Variants in NEK7 observed in about 807,000 individuals in gnomAD.
The protein encoded by NEK7 is serine/threonine-protein kinase Nek7.
A neutral mutation model predicts 44.6 loss-of-function variants in NEK7; 18 were observed. The observed-to-expected ratio is 0.40, with a 90% CI of 0.28 to 0.60. The LOEUF (loss-of-function observed/expected upper bound fraction) is 0.60. NEK7 is among the 20% of genes least tolerant of loss of function. The probability of loss-of-function intolerance (pLI) is 0.38; values close to 1 mark genes in which losing one functional copy is unlikely to be tolerated. For synonymous variants in NEK7, 130 were observed against 121.1 expected, an observed-to-expected ratio of 1.07 and a Z score of -0.48; for missense variants, 256 against 366.5, an observed-to-expected ratio of 0.70 and a Z score of 2.46.
intron 2 of NEK7, among the ~76,000 whole-genome samples, chr1:198,245,862 A>G (rs1028895704): frequency 2.6e-5 from 4 of 152,152 alleles, no homozygotes; most frequent in Admixed American, 6.5e-5. Context: ...AATTAAGAAC[A>G]GCGAAACATC....
At chr1:198,318,088 A>G (rs1344479322) in intron 9 of NEK7, among the ~76,000 whole-genome samples, 1 of 152,040 alleles carries the variant, frequency 6.6e-6, no homozygotes, top group Non-Finnish European at 1.5e-5. Context: ...ACATTGTTGA[A>G]TTTCCAAGTG....
chr1:198,232,773 C>T (rs1190974043), intron 2 of NEK7, 136 bp downstream of exon 2: 2 of 437,138 alleles, frequency 4.6e-6, no homozygotes, highest in Non-Finnish European at 3.8e-6. Context: ...AAGTTTTAAT[C>T]AGCATTTTTT....
At chr1:198,217,970 T>C (rs1349960224) in intron 1 of NEK7, among the ~76,000 whole-genome samples, 1 of 151,800 alleles carries the variant, frequency 6.6e-6, no homozygotes, top group Non-Finnish European at 1.5e-5. Context: ...TGCTCAGGGA[T>C]TGAAAGAATC....
intron 5 of NEK7, among the ~76,000 whole-genome samples, chr1:198,269,869 A>G (rs930548055): frequency 3.3e-5 from 5 of 152,058 alleles, no homozygotes; most frequent in African/African-American, 1.2e-4. Flanking sequence ...TTAGGATAAA[A>G]GGAAATCTAG....
At chr1:198,237,082 T>A (rs920260557) in intron 2 of NEK7, among the ~76,000 whole-genome samples, 2 of 152,056 alleles carry the variant, frequency 1.3e-5, no homozygotes, top group African/African-American at 4.8e-5. Flanking sequence ...TTTGATAGAG[T>A]TGATTATGCT....
intron 1 of NEK7, among the ~76,000 whole-genome samples, chr1:198,209,495 C>G (rs1335326632): frequency 6.6e-6 from 1 of 152,134 alleles, no homozygotes; most frequent in Non-Finnish European, 1.5e-5. Flanking sequence ...CAACAAATAA[C>G]TATGCAATTA....
intron 1 of NEK7, among the ~76,000 whole-genome samples, chr1:198,200,087 C>T (rs1217138773): frequency 6.6e-6 from 1 of 152,170 alleles, no homozygotes. Context: ...TATTGGTGAA[C>T]ACTCTAGAGA....
intron 1 of NEK7, among the ~76,000 whole-genome samples, chr1:198,197,515 C>A (rs1462596920): frequency 1.3e-5 from 2 of 152,044 alleles, no homozygotes; most frequent in Admixed American, 6.5e-5. Context: ...TTGTTTTCAA[C>A]ATTTAGTTTA....
At chr1:198,176,541 A>G (rs1044873662) in intron 1 of NEK7, among the ~76,000 whole-genome samples, 3 of 152,120 alleles carry the variant, frequency 2.0e-5, no homozygotes, top group African/African-American at 7.2e-5. Context: ...TTTATTCATT[A>G]AAGAGTTTTA....
intron 9 of NEK7, among the ~76,000 whole-genome samples, chr1:198,314,749 G>A (rs371097010): frequency 5.3e-5 from 8 of 152,200 alleles, no homozygotes; most frequent in African/African-American, 9.6e-5. Context: ...CTGCTCAGGG[G>A]TCAGGGGTCA....
At chr1:198,315,394 T>G (rs1311908701) in intron 9 of NEK7, among the ~76,000 whole-genome samples, 4 of 152,244 alleles carry the variant, frequency 2.6e-5, no homozygotes, top group Non-Finnish European at 4.4e-5. Context: ...ATCACCCGTC[T>G]TCTGCGTCGC....
At chr1:198,175,188 AT>A (rs1285696828) in intron 1 of NEK7, among the ~76,000 whole-genome samples, 1 of 151,046 alleles carries the variant, frequency 6.6e-6, no homozygotes, top group Non-Finnish European at 1.5e-5. Flanking sequence ...TATGCAAAAA[AT>A]ATTTGTTAAA....
chr1:198,248,536 C>A (rs1202194482), intron 2 of NEK7, among the ~76,000 whole-genome samples: 2 of 152,192 alleles, frequency 1.3e-5, no homozygotes, highest in Non-Finnish European at 2.9e-5. Flanking sequence ...ATATCTCATT[C>A]ATCTCTATTT....
At chr1:198,206,694 G>A (rs1198706552) in intron 1 of NEK7, among the ~76,000 whole-genome samples, 1 of 151,912 alleles carries the variant, frequency 6.6e-6, no homozygotes, top group Non-Finnish European at 1.5e-5. Flanking sequence ...AAAAAGACAA[G>A]TGCTGTGAAC....
rs562807185 is a variant in NEK7 at position 198,233,552 on chromosome 1, C to T, written c.57+915C>T. 6.6e-5 allele frequency among the ~76,000 whole-genome samples: 10 copies of T among 152,216 alleles called. No homozygotes were observed. The South Asian group carries it at 1.9e-3, about 28-fold the overall frequency. On this transcript the variant is annotated intron_variant, in intron 2 of 9. Transcript: ENST00000367385. ...TTTGTTTGGACGGTATTTCTGAAAA[C>T]ATGCCTTTGGGCTACTGATAAGTGT...
At chr1:198,231,290 T>C (rs1320425999) in intron 1 of NEK7, among the ~76,000 whole-genome samples, 3 of 71,466 alleles carry the variant, frequency 4.2e-5, no homozygotes, top group East Asian at 4.3e-3. Context: ...TATATACGTG[T>C]ATGTGTGTGT....
intron 3 of NEK7, chr1:198,256,559 CT>C (rs752615740): frequency 2.1e-6 from 3 of 1,449,370 alleles, no homozygotes; most frequent in Non-Finnish European, 2.7e-6. Flanking sequence ...TCTCTCTTGC[CT>C]CCTTCTTCAG....
chr1:198,176,005 G>C (rs1392999878), intron 1 of NEK7, among the ~76,000 whole-genome samples: 2 of 152,296 alleles, frequency 1.3e-5, no homozygotes, highest in East Asian at 3.9e-4. Context: ...TTCCTTTAGA[G>C]GGGAGGGAAC....
chr1:198,158,279 CAG>C (rs1160740990), intron 1 of NEK7, among the ~76,000 whole-genome samples: 6 of 152,160 alleles, frequency 3.9e-5, no homozygotes, highest in African/African-American at 1.4e-4. Flanking sequence ...CAGAAATACA[CAG>C]AAATAAAATG....
Sources: allele counts gnomAD v4.1 joint callset (sites outside exome capture counted in the v4.1 genomes callset), GRCh38; gene constraint gnomAD v4.1.1; transcripts MANE v1.5; gene names NCBI Gene and HGNC (gene_info 2026-07-23, HGNC 2026-07-21).